Variants in NUF2 observed in about 807,000 individuals in gnomAD.
The protein encoded by NUF2 is NUF2 component of NDC80 kinetochore complex.
NUF2 carries 34 observed loss-of-function variants against 61.8 expected under a neutral mutation model. The observed-to-expected ratio is 0.55, with a 90% CI of 0.42 to 0.73. The LOEUF (loss-of-function observed/expected upper bound fraction) is 0.73, where lower values mean the gene tolerates loss of function less well. Among genes scored for constraint, NUF2 ranks in the 30% least tolerant of loss-of-function variants. NUF2 has a pLI of 0.00. For synonymous variants in NUF2, 172 were observed against 181.6 expected, an observed-to-expected ratio of 0.95 and a Z score of 0.42; for missense variants, 445 against 539.1, an observed-to-expected ratio of 0.83 and a Z score of 1.73.
Position 163,340,376 on chromosome 1 carries a change from G to C in NUF2, c.619G>C (p.Glu207Gln). The C allele has an allele frequency of 6.2e-7, 1 of 1,611,032 alleles. No homozygotes were observed. Among genetic ancestry groups the C allele is most frequent in the Non-Finnish European group, 8.5e-7 (1 of 1,178,444 alleles). ...DFHQKTIVLQEGNSQKKSNIS... is the reference protein window; with the variant it reads ...DFHQKTIVLQQGNSQKKSNIS... ...CTTTTTCCCTTAGATAGTGCTGCAAGAGGGAAATTCCCAAAAGAAGTCAAA... is the reference window on the plus strand; with the variant it reads ...CTTTTTCCCTTAGATAGTGCTGCAACAGGGAAATTCCCAAAAGAAGTCAAA... The change falls in exon 9 of 14, where the codon GAG (glutamate) becomes CAG (glutamine). Residue 207 changes from glutamate (E) to glutamine (Q), a missense_variant. By Grantham distance (29) the Glu-to-Gln change is conservative. Coordinates refer to ENST00000271452, the MANE Select transcript of NUF2 (RefSeq NM_145697.3).
intron 5 of NUF2, among the ~76,000 whole-genome samples, chr1:163,333,092 GTTTGTCTGT>G (rs1650650809): frequency 6.6e-6 from 1 of 152,158 alleles, no homozygotes; most frequent in African/African-American, 2.4e-5. Context: ...ATGATTGTGA[GTTTGTCTGT>G]TTTGTCTGTT....
chr1:163,340,198 CTT>C (rs1650893912), intron 8 of NUF2, 164 bp from the exon 9 acceptor site: 3 of 546,792 alleles, frequency 5.5e-6, no homozygotes, highest in Non-Finnish European at 9.5e-6. Context: ...TAAAGGAACT[CTT>C]AGATATTTCT....
chr1:163,343,920 G>A (rs772224204), intron 10 of NUF2, 50 bp downstream of exon 10: 4 of 1,134,970 alleles, frequency 3.5e-6, no homozygotes, highest in Non-Finnish European at 3.6e-6. Flanking sequence ...AAAAAAATTA[G>A]CAAATTCTTG....
chr1:163,355,007 G>A (rs1651441341), intron 13 of NUF2, among the ~76,000 whole-genome samples: 1 of 151,904 alleles, frequency 6.6e-6, no homozygotes, highest in Non-Finnish European at 1.5e-5. Context: ...CAGTAATGTA[G>A]TTATTTTCCA....
chr1:163,348,891 G>T, intron 12 of NUF2, 54 bp from the exon 13 acceptor site: 1 of 1,567,884 alleles, frequency 6.4e-7, no homozygotes, highest in Non-Finnish European at 8.6e-7. Context: ...AATTGTGTTT[G>T]CCTTTTTAGT....
chr1:163,325,947 C>G (rs1369982593), intron 1 of NUF2, 85 bp from the exon 2 acceptor site: 1 of 1,035,542 alleles, frequency 9.7e-7, no homozygotes, highest in Non-Finnish European at 1.4e-6. Flanking sequence ...TCAACTTTGG[C>G]TCATTTTGTC....
At chr1:163,323,855 G>C (rs1650323205) in intron 1 of NUF2, among the ~76,000 whole-genome samples, 1 of 152,012 alleles carries the variant, frequency 6.6e-6, no homozygotes, top group Non-Finnish European at 1.5e-5. Flanking sequence ...AAGTGACACA[G>C]CAGATGGTGA....
chr1:163,333,966 C>A (rs1650676327), intron 5 of NUF2, among the ~76,000 whole-genome samples: 2 of 152,126 alleles, frequency 1.3e-5, no homozygotes, highest in African/African-American at 4.8e-5. Flanking sequence ...ACCCTTGTCC[C>A]TCTCCTACCC....
At chr1:163,341,147 A>G (rs753075240) in intron 9 of NUF2, among the ~76,000 whole-genome samples, 20 of 152,144 alleles carry the variant, frequency 1.3e-4, no homozygotes, top group Non-Finnish European at 1.0e-4. Context: ...GGATGTTTTC[A>G]GGCTTTTAAA....
At chr1:163,349,113 A>T (rs147123807) in intron 13 of NUF2, 33 bp downstream of exon 13, 1 of 1,569,026 alleles carries the variant, frequency 6.4e-7, no homozygotes, top group African/African-American at 1.4e-5. Flanking sequence ...TTAATTTCAA[A>T]TAATCTCTCA....
At chr1:163,342,095 A>G (rs1255386734) in intron 9 of NUF2, among the ~76,000 whole-genome samples, 1 of 152,186 alleles carries the variant, frequency 6.6e-6, no homozygotes, top group Non-Finnish European at 1.5e-5. Flanking sequence ...GTACATAGAA[A>G]GGACGGTCCT....
At chr1:163,351,842 G>T (rs558153602) in intron 13 of NUF2, among the ~76,000 whole-genome samples, 4 of 152,226 alleles carry the variant, frequency 2.6e-5, no homozygotes, top group African/African-American at 9.6e-5. Flanking sequence ...GTGCAGTTCT[G>T]TTGCATTTTG....
chr1:163,327,700 A>G (rs1387155154), intron 3 of NUF2, 138 bp downstream of exon 3: 2 of 609,704 alleles, frequency 3.3e-6, no homozygotes, highest in Admixed American at 3.0e-5. Flanking sequence ...ATTCAAAGAC[A>G]TATAAAATTA....
rs150686541 is a variant in NUF2 at position 163,334,820 on chromosome 1, T to C, written c.338-1931T>C. On this transcript the variant is annotated intron_variant, in intron 5 of 13. Coordinates refer to ENST00000271452, the MANE Select transcript of NUF2 (RefSeq NM_145697.3). The stretch of plus-strand genomic sequence containing the variant: ...AAGAAAAATGGATAAATAAAAGGTG[T>C]TTTTCTTGAGCCCTCGGTGGATATG... Among the ~76,000 whole-genome samples, 493 of 152,118 alleles carry C rather than the reference T, an allele frequency of 3.2e-3. 2 individuals carry two copies. The highest frequency in any genetic ancestry group is 0.012 in the African/African-American group (478 of 41,526).
intron 5 of NUF2, among the ~76,000 whole-genome samples, chr1:163,332,427 G>A (rs200817952): frequency 6.6e-6 from 1 of 152,140 alleles, no homozygotes; most frequent in Non-Finnish European, 1.5e-5. Context: ...TATGGTGGCT[G>A]TAATAAATCA....
chr1:163,335,921 T>G (rs145091099), intron 5 of NUF2, among the ~76,000 whole-genome samples: 1 of 152,324 alleles, frequency 6.6e-6, no homozygotes, highest in African/African-American at 2.4e-5. Context: ...CTCTAAAAGC[T>G]TAATTCAGAT....
chr1:163,333,825 A>C (rs1650673178), intron 5 of NUF2, among the ~76,000 whole-genome samples: 1 of 152,172 alleles, frequency 6.6e-6, no homozygotes, highest in African/African-American at 2.4e-5. Context: ...CTATTTTGAC[A>C]TTTAAAAAAT....
At chr1:163,353,901 A>T (rs938822400) in intron 13 of NUF2, among the ~76,000 whole-genome samples, 4 of 152,150 alleles carry the variant, frequency 2.6e-5, no homozygotes, top group Non-Finnish European at 5.9e-5. Flanking sequence ...TCGGAAGGAA[A>T]GTATTCCTTT....
intron 13 of NUF2, among the ~76,000 whole-genome samples, chr1:163,350,744 A>T (rs761795080): frequency 1.3e-5 from 2 of 150,460 alleles, no homozygotes; most frequent in African/African-American, 2.4e-5. Context: ...ACCCAAACAC[A>T]TTGATTAGCA....
Sources: allele counts gnomAD v4.1 joint callset (sites outside exome capture counted in the v4.1 genomes callset), GRCh38; gene constraint gnomAD v4.1.1; transcripts MANE v1.5; gene names NCBI Gene and HGNC (gene_info 2026-07-23, HGNC 2026-07-21).